CCSER1: variants seen among roughly 807,000 people sequenced by gnomAD.
The protein encoded by CCSER1 is coiled-coil serine rich protein 1, also known as serine-rich coiled-coil domain-containing protein 1.
CCSER1 carries 41 observed loss-of-function variants against 82.0 expected under a neutral mutation model. The ratio of observed to expected loss-of-function variants is 0.50; its 90% confidence interval spans 0.39 to 0.65. CCSER1 has a LOEUF of 0.65. CCSER1 is among the 30% of genes least tolerant of loss of function. CCSER1 has a pLI of 0.00. For missense variants in CCSER1, 1,119 were observed against 1,064.2 expected (o/e 1.05, Z -0.72); for synonymous variants, 414 against 383.9 (o/e 1.08, Z -0.92).
intron 10 of CCSER1, among the ~76,000 whole-genome samples, chr4:91,333,463 A>G (rs1162050281): frequency 6.6e-6 from 1 of 152,054 alleles, no homozygotes; most frequent in East Asian, 1.9e-4. Flanking sequence ...CATGTTGCCC[A>G]TCATATTCAT....
At chr4:90,533,304 C>T (rs565232916) in intron 5 of CCSER1, among the ~76,000 whole-genome samples, 1 of 151,966 alleles carries the variant, frequency 6.6e-6, no homozygotes, top group Non-Finnish European at 1.5e-5. Flanking sequence ...ACCGTGTTAG[C>T]CAGGATGGTC....
At chr4:91,409,741 C>T (rs1752917661) in intron 10 of CCSER1, among the ~76,000 whole-genome samples, 1 of 152,052 alleles carries the variant, frequency 6.6e-6, no homozygotes, top group East Asian at 1.9e-4. Flanking sequence ...GGCTGGAATG[C>T]AGTGGCACTC....
intron 10 of CCSER1, among the ~76,000 whole-genome samples, chr4:91,269,434 TG>T (rs947476528): frequency 6.6e-6 from 1 of 152,188 alleles, no homozygotes; most frequent in African/African-American, 2.4e-5. Flanking sequence ...AAGATAGTTC[TG>T]GGTGCTACAT....
At chr4:90,845,359 T>TAAAAA (rs886923723) in intron 8 of CCSER1, among the ~76,000 whole-genome samples, 1 of 96,578 alleles carries the variant, frequency 1.0e-5, no homozygotes, top group Non-Finnish European at 2.1e-5. Context: ...AGACGCCATC[T>TAAAAA]AAAAAAAAAA....
At position 90,646,161 on chromosome 4, in the gene CCSER1, G is replaced by GA. The variant is rs552690268; in HGVS notation, c.1932+17936dup. Among the ~76,000 whole-genome samples the GA allele has an allele frequency of 4.0e-3, 608 of 152,100 alleles. 3 individuals carry two copies. The highest frequency in any genetic ancestry group is 6.8e-3 in the Non-Finnish European group (461 of 67,988). On this transcript the variant is annotated intron_variant, in intron 6 of 10. Transcript: ENST00000509176. ...AAAAACTGCTGGCGTTGATTTTGGG[G>GA]AAAAAAATCAGCAGATAACATCTAA...
At chr4:91,046,689 T>TG (rs1554060770) in intron 9 of CCSER1, among the ~76,000 whole-genome samples, 1 of 151,722 alleles carries the variant, frequency 6.6e-6, no homozygotes, top group South Asian at 2.1e-4. Context: ...TAATATGTTT[T>TG]TTGTTGTTGT....
intron 10 of CCSER1, among the ~76,000 whole-genome samples, chr4:91,230,156 C>T (rs2149113882): frequency 6.6e-6 from 1 of 152,186 alleles, no homozygotes; most frequent in Middle Eastern, 3.4e-3. Flanking sequence ...TAGCCATAAA[C>T]TTTTCTATAT....
chr4:90,363,349 C>G (rs1034377213), intron 3 of CCSER1, among the ~76,000 whole-genome samples: 1 of 152,016 alleles, frequency 6.6e-6, no homozygotes, highest in Non-Finnish European at 1.5e-5. Context: ...ATTTGTTTTT[C>G]TTTCATTTTT....
intron 1 of CCSER1, among the ~76,000 whole-genome samples, chr4:90,134,388 G>T (rs1411305086): frequency 6.6e-6 from 1 of 152,170 alleles, no homozygotes; most frequent in Non-Finnish European, 1.5e-5. Flanking sequence ...GGTCACTGAG[G>T]ACTTGGAGAT....
chr4:91,337,305 T>C (rs1747390438), intron 10 of CCSER1, among the ~76,000 whole-genome samples: 1 of 152,130 alleles, frequency 6.6e-6, no homozygotes, highest in Non-Finnish European at 1.5e-5. Context: ...CCATATACAT[T>C]AGAACCAAGT....
At chr4:91,293,287 T>C (rs571865265) in intron 10 of CCSER1, among the ~76,000 whole-genome samples, 5 of 152,090 alleles carry the variant, frequency 3.3e-5, no homozygotes, top group African/African-American at 1.2e-4. Flanking sequence ...ATTTTCTTAA[T>C]GTCTGTCGTT....
At chr4:90,657,521 G>A (rs1272110137) in intron 6 of CCSER1, among the ~76,000 whole-genome samples, 1 of 152,014 alleles carries the variant, frequency 6.6e-6, no homozygotes, top group Non-Finnish European at 1.5e-5. Context: ...ATATTTTGAT[G>A]TTACACCGTA....
At chr4:90,765,268 C>T (rs1342697716) in intron 7 of CCSER1, among the ~76,000 whole-genome samples, 1 of 152,040 alleles carries the variant, frequency 6.6e-6, no homozygotes, top group East Asian at 1.9e-4. Flanking sequence ...CTTAAATGGG[C>T]TTTGATCTCC....
intron 10 of CCSER1, among the ~76,000 whole-genome samples, chr4:91,450,793 A>G (rs1755828783): frequency 6.6e-6 from 1 of 151,958 alleles, no homozygotes; most frequent in Admixed American, 6.6e-5. Flanking sequence ...TCTGTGAGAA[A>G]CTACTCAATG....
chr4:90,298,529 C>A (rs1040873049), intron 1 of CCSER1, among the ~76,000 whole-genome samples: 4 of 151,840 alleles, frequency 2.6e-5, no homozygotes, highest in Non-Finnish European at 4.4e-5. Context: ...TTCTTGCCTT[C>A]TGCTAGCTTT....
intron 6 of CCSER1, among the ~76,000 whole-genome samples, chr4:90,640,824 C>T (rs1340352383): frequency 1.3e-5 from 2 of 152,162 alleles, no homozygotes; most frequent in Admixed American, 1.3e-4. Context: ...TCCACCATGA[C>T]TGTAAGTTTT....
rs1410687438 is a variant in CCSER1 at position 91,362,904 on chromosome 4, T to A, written c.2218-235668T>A. Among the ~76,000 whole-genome samples, 7 of 151,804 alleles carry A rather than the reference T, an allele frequency of 4.6e-5. 1 individual carries two copies. Among genetic ancestry groups the A allele is most frequent in the Non-Finnish European group, 1.0e-4 (7 of 67,818 alleles). On this transcript the variant is annotated intron_variant, in intron 10 of 10. Transcript: ENST00000509176. Reference sequence around the variant, plus strand: ...ACTATTTTGTCTCATGTTGTATTTATGTACATGTACCACTCCTTGAATACA... The same window carrying A: ...ACTATTTTGTCTCATGTTGTATTTAAGTACATGTACCACTCCTTGAATACA...
intron 10 of CCSER1, among the ~76,000 whole-genome samples, chr4:91,234,840 T>A (rs1738881008): frequency 6.6e-6 from 1 of 152,096 alleles, no homozygotes; most frequent in South Asian, 2.1e-4. Flanking sequence ...GTTTCTAGAC[T>A]TTTTAGCACA....
At chr4:91,021,660 T>A (rs1169482656) in intron 9 of CCSER1, among the ~76,000 whole-genome samples, 1 of 152,172 alleles carries the variant, frequency 6.6e-6, no homozygotes, top group Non-Finnish European at 1.5e-5. Flanking sequence ...AACACTTATG[T>A]ATTGACCATC....
Sources: allele counts gnomAD v4.1 joint callset (sites outside exome capture counted in the v4.1 genomes callset), GRCh38; gene constraint gnomAD v4.1.1; transcripts MANE v1.5; gene names NCBI Gene and HGNC (gene_info 2026-07-23, HGNC 2026-07-21).